The following OSBPL9 variants were observed in gnomAD, a reference collection of about 807,000 sequenced individuals.
OSBPL9 encodes the protein oxysterol binding protein like 9, also known as oxysterol-binding protein-related protein 9.
OSBPL9 carries 40 observed loss-of-function variants against 106.6 expected under a neutral mutation model. The ratio of observed to expected loss-of-function variants is 0.38; its 90% confidence interval spans 0.29 to 0.49. The LOEUF is 0.49. OSBPL9 is among the 20% of genes least tolerant of loss of function. The pLI is 0.97. For missense variants in OSBPL9, 609 were observed against 887.2 expected, an observed-to-expected ratio of 0.69 and a Z score of 3.98; for synonymous variants, 269 against 295.4, an observed-to-expected ratio of 0.91 and a Z score of 0.92.
intron 2 of OSBPL9, 135 bp from the exon 3 acceptor site, chr1:51,669,299 G>A (rs1649291486): frequency 2.9e-6 from 2 of 694,574 alleles, no homozygotes; most frequent in Non-Finnish European, 4.9e-6. Flanking sequence ...CAAAACTAGA[G>A]TCTCAGTTTC....
the OSBPL9 span, among the ~76,000 whole-genome samples, chr1:51,539,667 G>C: frequency 6.6e-6 from 1 of 152,142 alleles, no homozygotes; most frequent in Non-Finnish European, 1.5e-5. Flanking sequence ...CAATTTTACA[G>C]ATAAGGAAAC....
At chr1:51,649,776 A>G (rs1646399769) in intron 1 of OSBPL9, among the ~76,000 whole-genome samples, 1 of 145,022 alleles carries the variant, frequency 6.9e-6, no homozygotes, top group Non-Finnish European at 1.5e-5. Context: ...GCAAGAATCT[A>G]AGCCAGTTGT....
chr1:51,778,730 G>A (rs1004133648), intron 15 of OSBPL9, among the ~76,000 whole-genome samples: 27 of 151,170 alleles, frequency 1.8e-4, no homozygotes, highest in Admixed American at 7.3e-4. Flanking sequence ...CCACCTCCCC[G>A]CCCCCCCAAA....
At chr1:51,568,873 T>C in the OSBPL9 span, among the ~76,000 whole-genome samples, 1 of 152,186 alleles carries the variant, frequency 6.6e-6, no homozygotes, top group African/African-American at 2.4e-5. Flanking sequence ...CCACCATGCC[T>C]GGCTAATGTT....
At chr1:51,666,151 G>A (rs183312564) in intron 2 of OSBPL9, among the ~76,000 whole-genome samples, 2 of 152,186 alleles carry the variant, frequency 1.3e-5, no homozygotes, top group Admixed American at 6.5e-5. Context: ...CCCGGCCTCC[G>A]GAGAAGTTCT....
intron 2 of OSBPL9, among the ~76,000 whole-genome samples, chr1:51,611,727 C>T (rs1189389835): frequency 1.3e-5 from 2 of 152,150 alleles, no homozygotes; most frequent in Admixed American, 1.3e-4. Context: ...ATCCCACACT[C>T]TGGAAGGTCA....
At position 51,787,709 on chromosome 1, in the gene OSBPL9, T is replaced by C. The variant is rs527746610; in HGVS notation, c.2137-6T>C. 1 of 1,611,708 alleles carries C rather than the reference T, an allele frequency of 6.2e-7. No homozygotes were observed. Among genetic ancestry groups the C allele is most frequent in the African/African-American group, 1.3e-5 (1 of 74,874 alleles). On this transcript the variant is annotated splice_polypyrimidine_tract_variant and splice_region_variant and intron_variant, in intron 23 of 23. Coordinates refer to ENST00000428468, the MANE Select transcript of OSBPL9 (RefSeq NM_024586.6). Reference sequence around the variant, plus strand: ...TGTAACTAAATTCTTCCTCTTTGTCTTACAGTTATTTCATGAAGATGGAGA... The same window carrying C: ...TGTAACTAAATTCTTCCTCTTTGTCCTACAGTTATTTCATGAAGATGGAGA...
intron 15 of OSBPL9, among the ~76,000 whole-genome samples, chr1:51,777,504 T>A (rs960589281): frequency 2.0e-5 from 3 of 152,230 alleles, no homozygotes; most frequent in African/African-American, 7.2e-5. Flanking sequence ...GAAATTTTTT[T>A]GTAATGGGGA....
chr1:51,607,622 C>A (rs1239696747), intron 2 of OSBPL9, among the ~76,000 whole-genome samples: 1 of 152,268 alleles, frequency 6.6e-6, no homozygotes, highest in Admixed American at 6.5e-5. Flanking sequence ...AAAGGAGATC[C>A]AATTCAATCT....
chr1:51,768,360 C>T (rs1213366003), intron 12 of OSBPL9, among the ~76,000 whole-genome samples: 1 of 152,038 alleles, frequency 6.6e-6, no homozygotes, highest in Non-Finnish European at 1.5e-5. Context: ...ATTACAGGTG[C>T]CCACCACCAT....
the OSBPL9 span, among the ~76,000 whole-genome samples, chr1:51,534,635 C>T: frequency 1.2e-4 from 18 of 152,234 alleles, no homozygotes; most frequent in African/African-American, 4.1e-4. Flanking sequence ...CCACAAGAGA[C>T]ACAGCCTCAC....
chr1:51,775,194 G>A (rs746365827), intron 14 of OSBPL9, among the ~76,000 whole-genome samples: 54 of 152,110 alleles, frequency 3.6e-4, no homozygotes, highest in Non-Finnish European at 6.5e-4. Context: ...CTGAGAGTCT[G>A]ATAATAGAGA....
rs374663364 is a variant in OSBPL9 at position 51,781,134 on chromosome 1, G to A, written c.1257-30G>A. The A allele has an allele frequency of 9.0e-4, 1,446 of 1,606,116 alleles. 1 individual carries two copies. Among genetic ancestry groups the A allele is most frequent in the Middle Eastern group, 3.0e-3 (18 of 5,928 alleles). ...CATCTTGTCTTGTACCAGAAAGCAG[G>A]ACATTAAATTTTGTCTTTCTCCCTT... On this transcript the variant is annotated intron_variant, in intron 15 of 23. Transcript: ENST00000428468.
chr1:51,704,266 T>G (rs2148862650), intron 3 of OSBPL9, among the ~76,000 whole-genome samples: 1 of 152,336 alleles, frequency 6.6e-6, no homozygotes, highest in African/African-American at 2.4e-5. Flanking sequence ...CATCTGGTCC[T>G]GGGCTTTTTT....
At chr1:51,631,815 A>AG (rs888995708) in intron 1 of OSBPL9, among the ~76,000 whole-genome samples, 1 of 152,218 alleles carries the variant, frequency 6.6e-6, no homozygotes, top group Non-Finnish European at 1.5e-5. Context: ...GCTAAAGGCA[A>AG]GGGGGCATTG....
At chr1:51,740,157 T>C in intron 4 of OSBPL9, 1 of 1,548,024 alleles carries the variant, frequency 6.5e-7, no homozygotes, top group Non-Finnish European at 8.7e-7. Context: ...GTACCACACT[T>C]GCTTTTTTCC....
At chr1:51,739,835 A>C (rs368329111) in intron 4 of OSBPL9, among the ~76,000 whole-genome samples, 12 of 152,012 alleles carry the variant, frequency 7.9e-5, no homozygotes, top group African/African-American at 2.9e-4. Flanking sequence ...AGTGTGCCTC[A>C]CATAAAATCA....
At chr1:51,519,146 T>G in the OSBPL9 span, 4 of 1,303,956 alleles carry the variant, frequency 3.1e-6, no homozygotes, top group Admixed American at 2.9e-5. Flanking sequence ...CTGAGGGCGG[T>G]GGGGGAGGGG....
intron 4 of OSBPL9, among the ~76,000 whole-genome samples, chr1:51,720,645 A>G (rs1156917820): frequency 6.6e-6 from 1 of 151,910 alleles, no homozygotes; most frequent in African/African-American, 2.4e-5. Context: ...TCTTAACTTT[A>G]TGCTATACAT....
Sources: gnomAD v4.1 joint callset for allele counts (sites outside exome capture counted in the v4.1 genomes callset) on GRCh38, gnomAD v4.1.1 for gene constraint, MANE v1.5 for transcripts, NCBI Gene and HGNC (gene_info 2026-07-23, HGNC 2026-07-21) for gene names.